The following NAALADL2 variants were observed in gnomAD, a reference collection of about 807,000 sequenced individuals.
NAALADL2 encodes the protein inactive N-acetylated-alpha-linked acidic dipeptidase-like protein 2.
NAALADL2 carries 76 observed loss-of-function variants against 87.2 expected under a neutral mutation model. The ratio of observed to expected loss-of-function variants is 0.87; its 90% CI spans 0.72 to 1.05. NAALADL2 has a LOEUF of 1.05. Among genes scored for constraint, NAALADL2 ranks in the 50% least tolerant of loss-of-function variants. NAALADL2 has a pLI of 0.00. For synonymous variants in NAALADL2, 354 were observed against 331.0 expected, an observed-to-expected ratio of 1.07 and a Z score of -0.75; for missense variants, 1,089 against 945.8, an observed-to-expected ratio of 1.15 and a Z score of -1.99.
chr3:175,760,080 G>C (rs1448704759), intron 13 of NAALADL2, among the ~76,000 whole-genome samples: 1 of 152,102 alleles, frequency 6.6e-6, no homozygotes, highest in African/African-American at 2.4e-5. Context: ...TTGGTGTCAG[G>C]AATGAAGAGC....
intron 1 of NAALADL2, among the ~76,000 whole-genome samples, chr3:174,934,520 A>G (rs1339943629): frequency 2.0e-5 from 3 of 152,136 alleles, no homozygotes; most frequent in Non-Finnish European, 4.4e-5. Context: ...TTTATGAAAT[A>G]TCAACCATGT....
intron 1 of NAALADL2, among the ~76,000 whole-genome samples, chr3:174,996,525 G>T (rs1039286510): frequency 6.6e-6 from 1 of 151,776 alleles, no homozygotes. Context: ...CTGAATTAAG[G>T]TCAGGTCACA....
rs1485400624 is a variant in NAALADL2, at chr3:175,755,307, C to T, written c.2078C>T (p.Pro693Leu). 3.1e-6 allele frequency: 5 copies of T among 1,613,508 alleles called. No individual in the cohort carries two copies. Among genetic ancestry groups the T allele is most frequent in the Admixed American group, 3.3e-5 (2 of 59,942 alleles). Residue 693 changes from proline (P) to leucine (L), a missense_variant, in exon 13 of 14, where the codon CCT (proline) becomes CTT (leucine). Transcript: ENST00000454872. ...AELFQSDEMR[P>L]ANDPKERAPI... Reference sequence around the variant, plus strand: ...CTTTTTCAGTCTGATGAGATGCGACCTGCTAATGATCCCAAGGAGAGAGCA... The same window carrying T: ...CTTTTTCAGTCTGATGAGATGCGACTTGCTAATGATCCCAAGGAGAGAGCA...
At chr3:174,632,007 T>C (rs1722158598) in intron 2 of NAALADL2, 1 of 152,214 alleles carries the variant, frequency 6.6e-6, no homozygotes, top group Non-Finnish European at 1.5e-5. Flanking sequence ...TTAAAAGATA[T>C]ATTCCCTTTC....
At chr3:174,899,354 C>G (rs1732023875) in intron 1 of NAALADL2, among the ~76,000 whole-genome samples, 1 of 152,096 alleles carries the variant, frequency 6.6e-6, no homozygotes, top group South Asian at 2.1e-4. Flanking sequence ...CATGTTGAAA[C>G]ATAATCCCCA....
At chr3:175,554,897 A>C (rs1715013998) in intron 9 of NAALADL2, among the ~76,000 whole-genome samples, 1 of 152,172 alleles carries the variant, frequency 6.6e-6, no homozygotes, top group Non-Finnish European at 1.5e-5. Flanking sequence ...CTAACCTGCT[A>C]TCCTGGTCTA....
At chr3:174,564,842 T>G (rs1714052545) in intron 2 of NAALADL2, among the ~76,000 whole-genome samples, 1 of 152,066 alleles carries the variant, frequency 6.6e-6, no homozygotes, top group South Asian at 2.1e-4. Flanking sequence ...TATATATCTT[T>G]TTTTTTCCAT....
chr3:175,695,735 A>G (rs1737703199), intron 11 of NAALADL2, among the ~76,000 whole-genome samples: 1 of 152,150 alleles, frequency 6.6e-6, no homozygotes, highest in South Asian at 2.1e-4. Flanking sequence ...TAGATTTCAA[A>G]GTACAGGAGA....
chr3:174,959,690 G>A (rs149136528), intron 1 of NAALADL2, among the ~76,000 whole-genome samples: 7 of 152,028 alleles, frequency 4.6e-5, no homozygotes, highest in African/African-American at 1.2e-4. Context: ...GCAAAGTAAG[G>A]TTGCATAAGC....
chr3:175,594,329 C>G (rs1721950638), intron 10 of NAALADL2, among the ~76,000 whole-genome samples: 1 of 152,134 alleles, frequency 6.6e-6, no homozygotes, highest in Non-Finnish European at 1.5e-5. Context: ...GGACATGATT[C>G]AGTCTTTTTT....
intron 2 of NAALADL2, among the ~76,000 whole-genome samples, chr3:174,614,753 G>T (rs1720282708): frequency 6.6e-6 from 1 of 152,134 alleles, no homozygotes; most frequent in East Asian, 1.9e-4. Context: ...TGAGGGTGAT[G>T]ATAGGTGAAG....
chr3:175,772,582 C>T (rs1329865942), intron 13 of NAALADL2, among the ~76,000 whole-genome samples: 1 of 152,144 alleles, frequency 6.6e-6, no homozygotes. Flanking sequence ...ACTCACAATA[C>T]TCATCAGAGA....
chr3:175,748,748 C>T (rs1746246407), intron 12 of NAALADL2, among the ~76,000 whole-genome samples: 1 of 151,948 alleles, frequency 6.6e-6, no homozygotes, highest in Non-Finnish European at 1.5e-5. Context: ...AAATTTAAAA[C>T]TTGTTGGAGT....
rs552065022 is a variant in NAALADL2, at chr3:174,544,607, G to C, written c.-183-5962G>C. Among the ~76,000 whole-genome samples, 8 of 109,678 alleles carry C rather than the reference G, an allele frequency of 7.3e-5. No homozygotes were observed. In the East Asian group the frequency reaches 2.1e-3, roughly 29 times the overall value. 72.0% of individuals were successfully genotyped at this position (109,678 alleles called of 152,430 possible). ...TTTTGAGACAGAGTCTCACTCCATT[G>C]CCAGGCTGGAGTGCAGTGGTGCAAT... is the stretch of plus-strand genomic sequence containing the variant. On this transcript the variant is annotated intron_variant, in intron 1 of 3. Coordinates refer to the NAALADL2 transcript ENST00000434257.
chr3:174,833,230 G>T (rs1233763397), intron 3 of NAALADL2, among the ~76,000 whole-genome samples: 1 of 152,194 alleles, frequency 6.6e-6, no homozygotes, highest in Admixed American at 6.5e-5. Flanking sequence ...AATGAGAAAT[G>T]TCAAGGTCAT....
intron 1 of NAALADL2, among the ~76,000 whole-genome samples, chr3:174,980,046 T>C (rs1744909222): frequency 6.6e-6 from 1 of 152,164 alleles, no homozygotes; most frequent in South Asian, 2.1e-4. Context: ...CTCTCTTACC[T>C]GAGCCCACAG....
At chr3:175,362,042 G>T (rs1765076182) in intron 5 of NAALADL2, among the ~76,000 whole-genome samples, 1 of 148,072 alleles carries the variant, frequency 6.8e-6, no homozygotes. Flanking sequence ...ATTAATTTTT[G>T]TATAAGGTGT....
intron 11 of NAALADL2, among the ~76,000 whole-genome samples, chr3:175,736,717 AATGTCATTAGGTT>A (rs2038932256): frequency 1.3e-5 from 2 of 152,198 alleles, no homozygotes; most frequent in African/African-American, 4.8e-5. Context: ...CATCCTTTTC[AATGTCATTAGGTT>A]ATGTATTCGT....
At chr3:175,616,442 A>G (rs1260063188) in intron 10 of NAALADL2, among the ~76,000 whole-genome samples, 1 of 152,088 alleles carries the variant, frequency 6.6e-6, no homozygotes, top group African/African-American at 2.4e-5. Flanking sequence ...TGGAGCAGAG[A>G]TCAGAGTCAT....
Sources: gnomAD v4.1 joint callset for allele counts (sites outside exome capture counted in the v4.1 genomes callset) on GRCh38, gnomAD v4.1.1 for gene constraint, MANE v1.5 for transcripts, NCBI Gene and HGNC (gene_info 2026-07-23, HGNC 2026-07-21) for gene names.